The following PEX5L variants were observed in gnomAD, a reference collection of about 807,000 sequenced individuals.
The protein encoded by PEX5L is peroxisomal biogenesis factor 5 like.
In PEX5L, 30 loss-of-function variants were observed where a neutral mutation model predicts 84.0. That is an observed-to-expected ratio of 0.36 (90% CI 0.27 to 0.48). The LOEUF is 0.48. Ranked by LOEUF, PEX5L falls within the 20% of genes least tolerant of loss-of-function variation. The probability of loss-of-function intolerance (pLI) is 0.99; values close to 1 mark genes in which losing one functional copy is unlikely to be tolerated. For missense variants in PEX5L, 533 were observed against 754.6 expected (o/e 0.71, Z 3.44); for synonymous variants, 270 against 283.1 (o/e 0.95, Z 0.46).
At chr3:179,808,168 G>T in intron 13 of PEX5L, 104 bp downstream of exon 13, 1 of 903,912 alleles carries the variant, frequency 1.1e-6, no homozygotes, top group East Asian at 2.6e-5. Context: ...TAAACCATTG[G>T]AGTCAGGGAA....
At chr3:179,845,046 A>G (rs1444697882) in intron 8 of PEX5L, among the ~76,000 whole-genome samples, 1 of 152,080 alleles carries the variant, frequency 6.6e-6, no homozygotes, top group Non-Finnish European at 1.5e-5. Context: ...TGATCTATCT[A>G]TTTCTCTTCT....
At position 179,808,295 on chromosome 3, in the gene PEX5L, C is replaced by G; in HGVS notation, c.1495G>C (p.Ala499Pro). 2 of 1,593,884 alleles carry G rather than the reference C, an allele frequency of 1.3e-6. No homozygotes were observed. The highest frequency in any genetic ancestry group is 8.5e-7 in the Non-Finnish European group (1 of 1,172,146). The change falls in exon 13 of 15, where the codon GCT (alanine) becomes CCT (proline). Residue 499 changes from alanine (A) to proline (P), a missense_variant. Coordinates refer to ENST00000467460, the MANE Select transcript of PEX5L (RefSeq NM_016559.3). The part of the protein sequence containing the change: ...EFNRAIDAFN[A>P]ALTVRPEDYS... ...ACCTCTGGCCGAACAGTTAAGGCAG[C>G]GTTAAATGCATCTATTGCTCTATTA... is the stretch of plus-strand genomic sequence containing the variant.
intron 1 of PEX5L, among the ~76,000 whole-genome samples, chr3:179,998,090 T>C (rs1232868737): frequency 6.6e-6 from 1 of 152,168 alleles, no homozygotes; most frequent in Non-Finnish European, 1.5e-5. Flanking sequence ...GGATGGGAAA[T>C]AAATCTGACT....
chr3:179,931,338 T>C (rs1015426742), intron 2 of PEX5L, among the ~76,000 whole-genome samples: 1 of 151,920 alleles, frequency 6.6e-6, no homozygotes, highest in Non-Finnish European at 1.5e-5. Context: ...ATCCATTCCA[T>C]TTTTTTTGAA....
intron 8 of PEX5L, among the ~76,000 whole-genome samples, chr3:179,858,745 TG>T (rs1198015704): frequency 6.6e-6 from 1 of 152,186 alleles, no homozygotes; most frequent in Non-Finnish European, 1.5e-5. Flanking sequence ...TCCATAGCAT[TG>T]GTTCACCATA....
intron 1 of PEX5L, among the ~76,000 whole-genome samples, chr3:180,011,491 T>C (rs921774365): frequency 2.0e-5 from 3 of 152,196 alleles, no homozygotes; most frequent in Non-Finnish European, 4.4e-5. Context: ...CTAAGATACT[T>C]GATCATTCAG....
chr3:179,847,097 A>ATG (rs1553854278), intron 8 of PEX5L, among the ~76,000 whole-genome samples: 1 of 150,664 alleles, frequency 6.6e-6, no homozygotes, highest in Non-Finnish European at 1.5e-5. Flanking sequence ...ATATATATAT[A>ATG]TATGTATATC....
At chr3:179,878,017 C>T (rs943458667) in intron 5 of PEX5L, among the ~76,000 whole-genome samples, 1 of 152,192 alleles carries the variant, frequency 6.6e-6, no homozygotes, top group Non-Finnish European at 1.5e-5. Context: ...CATTCACACA[C>T]AGGCTTCTGA....
At chr3:179,816,143 G>A (rs1379657313) in intron 9 of PEX5L, 139 bp from the exon 10 acceptor site, 1 of 754,240 alleles carries the variant, frequency 1.3e-6, no homozygotes. Flanking sequence ...TTACACTGTT[G>A]GTGGGAGTGT....
intron 1 of PEX5L, among the ~76,000 whole-genome samples, chr3:179,986,454 G>A (rs1271833549): frequency 1.4e-5 from 2 of 145,104 alleles, no homozygotes; most frequent in African/African-American, 2.6e-5. Flanking sequence ...CCAGGCTGGA[G>A]TGCAGTGGCG....
At chr3:179,908,736 G>A (rs1764138088) in intron 2 of PEX5L, among the ~76,000 whole-genome samples, 1 of 151,130 alleles carries the variant, frequency 6.6e-6, no homozygotes, top group South Asian at 2.1e-4. Flanking sequence ...TTTTGTCCTT[G>A]CGATAGTTTG....
At position 179,874,440 on chromosome 3, in the gene PEX5L, A is replaced by G; in HGVS notation, c.630-17T>C. The G allele has an allele frequency of 7.5e-7, 1 of 1,340,420 alleles. No individual in the cohort carries two copies. The highest frequency in any genetic ancestry group is 1.2e-5 in the South Asian group (1 of 80,338). The allele number at this position is 1,340,420 out of a possible 1,614,324, so 83.0% of individuals were successfully genotyped here. ...TCTGAGGACCTATAAGGGATGCATT[A>G]AGGAAATTAAACGTACACTAGAAAC... On this transcript the variant is annotated splice_polypyrimidine_tract_variant and intron_variant, in intron 6 of 14. Coordinates refer to ENST00000467460, the MANE Select transcript of PEX5L (RefSeq NM_016559.3).
rs142768171 is a variant in PEX5L, at chr3:179,929,204, C to A, written c.94-30958G>T. On this transcript the variant is annotated intron_variant, in intron 2 of 14. Coordinates refer to ENST00000467460, the MANE Select transcript of PEX5L (RefSeq NM_016559.3). ...TTTTAAGGGATTAGCTCTAGCCTCC[C>A]AAACAGTTAAAAATCAGGTTGCTTC... is the stretch of plus-strand genomic sequence containing the variant. Among the ~76,000 whole-genome samples the A allele has an allele frequency of 6.1e-3, 921 of 151,618 alleles. 11 individuals are homozygous for A. Among genetic ancestry groups the A allele is most frequent in the East Asian group, 0.026 (132 of 5,168 alleles).
intron 2 of PEX5L, among the ~76,000 whole-genome samples, chr3:179,929,757 C>T (rs531030168): frequency 6.6e-6 from 1 of 152,306 alleles, no homozygotes; most frequent in East Asian, 1.9e-4. Context: ...CTTCAACTCC[C>T]ATGACATCTT....
Position 179,799,130 on chromosome 3 carries a change from G to T in PEX5L, c.*2698C>A, listed in dbSNP as rs1287467131. The T allele has an allele frequency of 6.6e-6, 1 of 152,220 alleles. No individual in the cohort carries two copies. The highest frequency in any genetic ancestry group is 1.5e-5 in the Non-Finnish European group (1 of 68,104). The allele number at this position is 152,220 out of a possible 1,614,324, so 9.4% of individuals were successfully genotyped here. A position where few individuals can be genotyped will look rare whatever the true frequency, so the allele number is the denominator to read the frequency against. ...AGACGGGGTTTCACCATGTTGGTCAGGCTGGTCTCGAACTCCTGACCTCGT... is the reference window on the plus strand; with the variant it reads ...AGACGGGGTTTCACCATGTTGGTCATGCTGGTCTCGAACTCCTGACCTCGT... On this transcript the variant is annotated 3_prime_UTR_variant, in exon 15 of 15. Transcript: ENST00000467460.
At chr3:179,883,286 C>G (rs569789205) in intron 4 of PEX5L, among the ~76,000 whole-genome samples, 4 of 152,160 alleles carry the variant, frequency 2.6e-5, no homozygotes, top group Non-Finnish European at 5.9e-5. Flanking sequence ...TCCCACTGCC[C>G]AGAGGATGTC....
chr3:179,897,423 CA>C (rs1427528956), intron 3 of PEX5L, among the ~76,000 whole-genome samples: 1 of 152,108 alleles, frequency 6.6e-6, no homozygotes, highest in Non-Finnish European at 1.5e-5. Flanking sequence ...CAGGGTGTTT[CA>C]AAAGTCCCCG....
chr3:179,840,380 G>A (rs1736755664), intron 8 of PEX5L, among the ~76,000 whole-genome samples: 1 of 151,868 alleles, frequency 6.6e-6, no homozygotes, highest in Non-Finnish European at 1.5e-5. Context: ...GTAGAGACAG[G>A]GTTTCACCAT....
chr3:180,007,371 T>A (rs1174694986), intron 1 of PEX5L, among the ~76,000 whole-genome samples: 1 of 152,230 alleles, frequency 6.6e-6, no homozygotes, highest in Non-Finnish European at 1.5e-5. Context: ...ACAGCCTCCC[T>A]CCTGGCTGCT....
Sources: gnomAD v4.1 joint callset for allele counts (sites outside exome capture counted in the v4.1 genomes callset) on GRCh38, gnomAD v4.1.1 for gene constraint, MANE v1.5 for transcripts, NCBI Gene and HGNC (gene_info 2026-07-23, HGNC 2026-07-21) for gene names.